Variants in S100Z observed in about 807,000 individuals in gnomAD.
S100Z encodes S100 calcium binding protein Z, also known as protein S100-Z.
A neutral mutation model predicts 8.5 loss-of-function variants in S100Z; 11 were observed. The observed-to-expected ratio is 1.30, with a 90% CI of 0.82 to 2.15. The LOEUF is 2.15. Ranked by LOEUF, S100Z falls within the 30% of genes most tolerant of loss-of-function variation. S100Z has a pLI of 0.00. For missense variants in S100Z, 126 were observed against 117.9 expected (o/e 1.07, Z -0.32); for synonymous variants, 34 against 43.8 (o/e 0.78, Z 0.89).
chr5:76,878,675 C>T (rs972786620), intron 4 of S100Z, among the ~76,000 whole-genome samples: 2 of 152,082 alleles, frequency 1.3e-5, no homozygotes, highest in African/African-American at 2.4e-5. Context: ...TATATTTATG[C>T]GTGTAAATGA....
intron 4 of S100Z, among the ~76,000 whole-genome samples, chr5:76,918,674 A>G (rs1744933896): frequency 6.6e-6 from 1 of 152,252 alleles, no homozygotes; most frequent in East Asian, 1.9e-4. Flanking sequence ...TTGTTACAAT[A>G]GAACCTACGT....
intron 4 of S100Z, among the ~76,000 whole-genome samples, chr5:76,912,965 A>G (rs1372451671): frequency 6.6e-6 from 1 of 152,244 alleles, no homozygotes; most frequent in East Asian, 1.9e-4. Context: ...GAAGAGACAG[A>G]CAAAAAGGGA....
intron 4 of S100Z, among the ~76,000 whole-genome samples, chr5:76,918,541 A>G (rs1396229304): frequency 6.6e-6 from 1 of 152,178 alleles, no homozygotes; most frequent in Non-Finnish European, 1.5e-5. Flanking sequence ...GAAAAAATAG[A>G]CTTTAGAGTA....
intron 4 of S100Z, among the ~76,000 whole-genome samples, chr5:76,918,582 C>T (rs796416496): frequency 1.3e-5 from 2 of 152,204 alleles, no homozygotes; most frequent in African/African-American, 2.4e-5. Flanking sequence ...TTAGTGGATA[C>T]ACAGAGTGCT....
At chr5:76,925,794 C>T (rs777298465), downstream of S100Z, among the ~76,000 whole-genome samples, 35 of 151,956 alleles carry the variant, frequency 2.3e-4, no homozygotes, top group Non-Finnish European at 4.1e-4. Context: ...TGGTGAAACC[C>T]CATCTCTACT....
At chr5:76,898,864 T>C (rs73122020) in intron 4 of S100Z, among the ~76,000 whole-genome samples, 2 of 152,136 alleles carry the variant, frequency 1.3e-5, no homozygotes, top group African/African-American at 4.8e-5. Context: ...TTGAGTAAGA[T>C]TGGCTTTAGT....
At chr5:76,928,860 C>T in the S100Z span, among the ~76,000 whole-genome samples, 1 of 152,252 alleles carries the variant, frequency 6.6e-6, no homozygotes, top group Non-Finnish European at 1.5e-5. Context: ...CCACCTCAGC[C>T]TCCTGAGCAG....
At chr5:76,939,404 G>A in the S100Z span, among the ~76,000 whole-genome samples, 6 of 151,342 alleles carry the variant, frequency 4.0e-5, no homozygotes, top group Middle Eastern at 3.4e-3. Context: ...CGCCTGCCTC[G>A]GCCTCCCAAA....
chr5:76,951,309 G>A, the S100Z span, among the ~76,000 whole-genome samples: 1,022 of 152,334 alleles, frequency 6.7e-3, 12 homozygotes, highest in African/African-American at 0.023. Context: ...ACGTGCATGC[G>A]TGCATGTGTG....
intron 4 of S100Z, among the ~76,000 whole-genome samples, chr5:76,888,415 A>G (rs1234569485): frequency 2.1e-5 from 2 of 97,380 alleles, no homozygotes; most frequent in Non-Finnish European, 3.7e-5. Context: ...TTGCTCTGTC[A>G]CCTAGGCTGG....
intron 1 of S100Z, among the ~76,000 whole-genome samples, chr5:76,865,373 T>C (rs1751237287): frequency 6.6e-6 from 1 of 151,348 alleles, no homozygotes; most frequent in Non-Finnish European, 1.5e-5. Flanking sequence ...GCCTCCCGAG[T>C]AGCTGGGATT....
the S100Z span, among the ~76,000 whole-genome samples, chr5:76,944,775 G>C: frequency 6.6e-6 from 1 of 152,212 alleles, no homozygotes; most frequent in Admixed American, 6.5e-5. Context: ...TCTGCTGTCA[G>C]GGAAGAGGCT....
chr5:76,867,502 G>A (rs553889012), intron 1 of S100Z, among the ~76,000 whole-genome samples: 71 of 151,914 alleles, frequency 4.7e-4, no homozygotes, highest in African/African-American at 1.6e-3. Flanking sequence ...CATGACCAAT[G>A]CCTCACTTAC....
At chr5:76,864,311 A>C (rs1196546710) in intron 1 of S100Z, among the ~76,000 whole-genome samples, 2 of 151,646 alleles carry the variant, frequency 1.3e-5, no homozygotes, top group African/African-American at 2.4e-5. Context: ...CCAGTTGTAT[A>C]AAAGTATAGA....
downstream of S100Z, among the ~76,000 whole-genome samples, chr5:76,922,387 T>C (rs923652821): frequency 1.3e-5 from 2 of 152,214 alleles, no homozygotes; most frequent in Non-Finnish European, 2.9e-5. Context: ...TTCAAGAGAT[T>C]ACCTGGGAAA....
intron 4 of S100Z, among the ~76,000 whole-genome samples, chr5:76,885,157 C>T (rs560656254): frequency 3.9e-5 from 6 of 152,076 alleles, no homozygotes; most frequent in African/African-American, 7.2e-5. Flanking sequence ...TTAGGTCAGG[C>T]GAGAGTTGAA....
intron 4 of S100Z, among the ~76,000 whole-genome samples, chr5:76,902,834 C>A (rs1204031954): frequency 6.6e-6 from 1 of 152,034 alleles, no homozygotes; most frequent in African/African-American, 2.4e-5. Flanking sequence ...AAACTATATA[C>A]GTTACCTTTC....
At chr5:76,898,792 G>A (rs534145294) in intron 4 of S100Z, among the ~76,000 whole-genome samples, 71 of 152,170 alleles carry the variant, frequency 4.7e-4, no homozygotes, top group African/African-American at 1.6e-3. Context: ...TTTGGTATCA[G>A]GGTAATATGG....
intron 4 of S100Z, among the ~76,000 whole-genome samples, chr5:76,886,079 G>T (rs763983697): frequency 1.3e-4 from 20 of 151,594 alleles, no homozygotes; most frequent in Non-Finnish European, 2.5e-4. Context: ...GTGGAGAAGG[G>T]GTGGAGACAT....
Sources: gnomAD v4.1 joint callset for allele counts (sites outside exome capture counted in the v4.1 genomes callset) on GRCh38, gnomAD v4.1.1 for gene constraint, MANE v1.5 for transcripts, NCBI Gene and HGNC (gene_info 2026-07-23, HGNC 2026-07-21) for gene names.